Variants in NLGN4Y observed in about 807,000 individuals in gnomAD.
The protein encoded by NLGN4Y is neuroligin 4 Y-linked, also known as neuroligin-4, Y-linked.
In NLGN4Y, 4 loss-of-function variants were observed where a neutral mutation model predicts 8.4. The ratio of observed to expected loss-of-function variants is 0.48; its 90% confidence interval spans 0.23 to 1.09. The LOEUF is 1.09. NLGN4Y is among the 50% of genes least tolerant of loss of function. NLGN4Y has a pLI of 0.19. For synonymous variants in NLGN4Y, 35 were observed against 75.6 expected, an observed-to-expected ratio of 0.46 and a Z score of 2.78; for missense variants, 90 against 192.3, an observed-to-expected ratio of 0.47 and a Z score of 3.15.
chrY:14,674,959 G>T (rs2080743251), intron 2 of NLGN4Y, among the ~76,000 whole-genome samples: 1 of 33,737 alleles, frequency 3.0e-5, no homozygotes, highest in African/African-American at 1.1e-4. Context: ...TGAAGGCAAA[G>T]ATGCTTTTGG....
chrY:14,706,282 A>G, intron 2 of NLGN4Y, among the ~76,000 whole-genome samples: 1 of 33,352 alleles, frequency 3.0e-5, no homozygotes, highest in Non-Finnish European at 7.4e-5. Flanking sequence ...GAAAAATACC[A>G]CTGCCAGCTA....
At chrY:14,767,007 C>T (rs2081095423) in intron 4 of NLGN4Y, among the ~76,000 whole-genome samples, 1 of 33,319 alleles carries the variant, frequency 3.0e-5, no homozygotes, top group Admixed American at 2.8e-4. Context: ...TATTGTACAA[C>T]TATACCACCC....
chrY:14,679,509 G>T, intron 2 of NLGN4Y, among the ~76,000 whole-genome samples: 1 of 33,160 alleles, frequency 3.0e-5, no homozygotes, highest in Non-Finnish European at 7.4e-5. Context: ...TGATGATGTG[G>T]ATACTTCATT....
intron 4 of NLGN4Y, among the ~76,000 whole-genome samples, chrY:14,803,009 A>G (rs2043042687): frequency 4.4e-5 from 1 of 22,699 alleles, no homozygotes; most frequent in Non-Finnish European, 8.8e-5. Flanking sequence ...TATATACTAT[A>G]AGTATATAAT....
intron 4 of NLGN4Y, among the ~76,000 whole-genome samples, chrY:14,738,581 G>A (rs756123721): frequency 1.6e-3 from 52 of 32,352 alleles, no homozygotes; most frequent in Non-Finnish European, 3.4e-3. Context: ...AGAGAATCCC[G>A]GAAAATGCAA....
chrY:14,542,226 G>A, intron 1 of NLGN4Y, among the ~76,000 whole-genome samples: 1 of 33,760 alleles, frequency 3.0e-5, no homozygotes, highest in Admixed American at 2.7e-4. Flanking sequence ...ATGGTAAAGG[G>A]ATCAATGCAA....
chrY:14,631,314 G>GA lies in NLGN4Y; in HGVS notation c.472+8732dup, dbSNP rs747027819. 2.5e-4 allele frequency among the ~76,000 whole-genome samples: 8 copies of GA among 31,804 alleles called. No homozygotes were observed. The East Asian group carries it at 2.5e-3, about 10-fold the overall frequency. The allele number at this position is 31,804 out of a possible 37,273, so 85.3% of individuals were successfully genotyped here. A position where few individuals can be genotyped will look rare whatever the true frequency, so the allele number is the denominator to read the frequency against. ...CTCAAGTGATCCACAAAGAAACAATGAAAAAAAAATCCCCTATTAGATTTA... is the reference window on the plus strand; with the variant it reads ...CTCAAGTGATCCACAAAGAAACAATGAAAAAAAAAATCCCCTATTAGATTTA... On this transcript the variant is annotated intron_variant, in intron 2 of 6. Coordinates refer to ENST00000684976, the MANE Select transcript of NLGN4Y (RefSeq NM_001365588.1).
chrY:14,637,534 T>C (rs762465723), intron 2 of NLGN4Y, among the ~76,000 whole-genome samples: 42 of 33,743 alleles, frequency 1.2e-3, no homozygotes, highest in African/African-American at 4.6e-3. Context: ...AGCCACATTT[T>C]TGTAATACTT....
At chrY:14,660,341 T>A in intron 2 of NLGN4Y, among the ~76,000 whole-genome samples, 1 of 32,772 alleles carries the variant, frequency 3.1e-5, no homozygotes. Flanking sequence ...GAAAATTGAT[T>A]TCTACAACTA....
chrY:14,750,824 A>AAC (rs2081039134), intron 4 of NLGN4Y, among the ~76,000 whole-genome samples: 1 of 33,388 alleles, frequency 3.0e-5, no homozygotes, highest in Non-Finnish European at 7.4e-5. Flanking sequence ...TTCTGTAACA[A>AAC]ACACACATTT....
chrY:14,535,381 G>A (rs760674367), intron 1 of NLGN4Y, among the ~76,000 whole-genome samples: 74 of 32,811 alleles, frequency 2.3e-3, no homozygotes, highest in Admixed American at 4.0e-3. Context: ...CTGGTTGCCT[G>A]TTACCTCAGA....
At chrY:14,602,683 C>T (rs749851379) in intron 1 of NLGN4Y, among the ~76,000 whole-genome samples, 21 of 33,642 alleles carry the variant, frequency 6.2e-4, no homozygotes, top group Non-Finnish European at 1.4e-3. Flanking sequence ...AATATGCCAA[C>T]ATTTATTTAT....
chrY:14,648,726 T>TG (rs2080619207), intron 2 of NLGN4Y, among the ~76,000 whole-genome samples: 3 of 31,925 alleles, frequency 9.4e-5, no homozygotes, highest in South Asian at 7.1e-4. Context: ...GGGCTAGGTC[T>TG]GGGGGGGTTC....
chrY:14,736,026 A>T (rs960887836), intron 4 of NLGN4Y, among the ~76,000 whole-genome samples: 1 of 32,773 alleles, frequency 3.1e-5, no homozygotes, highest in Non-Finnish European at 7.5e-5. Context: ...AAAGAGGGGC[A>T]TACTCCAGAC....
Position 14,840,572 on chromosome Y carries a change from G to A in NLGN4Y, c.1821G>A (p.Val607=), listed in dbSNP as rs1311489311. 2.5e-6 allele frequency: 1 copy of A among 399,070 alleles called. No homozygotes were observed. Residue 607 remains valine (V), a synonymous_variant, in exon 7 of 7, where the codon GTG becomes GTA. Transcript: ENST00000684976. The part of the protein sequence containing the change: ...RVRDHYRATK[V]AFWLELVPHL... ...GAGATCACTACCGGGCAACGAAAGT[G>A]GCTTTCTGGTTGGAATTGGTTCCTC...
chrY:14,595,988 G>T, intron 1 of NLGN4Y, among the ~76,000 whole-genome samples: 1 of 33,017 alleles, frequency 3.0e-5, no homozygotes, highest in African/African-American at 1.2e-4. Flanking sequence ...ACCTGTTAGA[G>T]TCCTAAGCGT....
chrY:14,592,069 G>A, intron 1 of NLGN4Y, among the ~76,000 whole-genome samples: 7 of 32,583 alleles, frequency 2.1e-4, no homozygotes, highest in Admixed American at 2.0e-3. Flanking sequence ...TTAACAGAGT[G>A]TGAGTTAAGT....
At chrY:14,607,796 C>T in intron 1 of NLGN4Y, among the ~76,000 whole-genome samples, 4 of 34,184 alleles carry the variant, frequency 1.2e-4, no homozygotes, top group African/African-American at 2.3e-4. Flanking sequence ...TGAGGAATCG[C>T]GACACTGTCT....
At chrY:14,717,394 G>GA (rs2080919357) in intron 2 of NLGN4Y, among the ~76,000 whole-genome samples, 9 of 29,346 alleles carry the variant, frequency 3.1e-4, no homozygotes, top group South Asian at 1.6e-3. Flanking sequence ...ACTCCCTATG[G>GA]AAAAAAAAAA....
Sources: gnomAD v4.1 joint callset for allele counts (sites outside exome capture counted in the v4.1 genomes callset) on GRCh38, gnomAD v4.1.1 for gene constraint, MANE v1.5 for transcripts, NCBI Gene and HGNC (gene_info 2026-07-23, HGNC 2026-07-21) for gene names.